The following ATP6V0A1 variants were observed in gnomAD, a reference collection of about 807,000 sequenced individuals.
ATP6V0A1 encodes ATPase H+ transporting V0 subunit a1, also known as V-type proton ATPase 116 kDa subunit a 1.
ATP6V0A1 carries 43 observed loss-of-function variants against 105.4 expected under a neutral mutation model. The observed-to-expected ratio is 0.41, with a 90% CI of 0.32 to 0.53. The LOEUF is 0.53. ATP6V0A1 is among the 20% of genes least tolerant of loss of function. The pLI is 0.30. For synonymous variants in ATP6V0A1, 362 were observed against 372.8 expected (o/e 0.97, Z 0.33); for missense variants, 676 against 1,051.1 (o/e 0.64, Z 4.93).
At chr17:42,470,786 C>T (rs1391670582) in intron 5 of ATP6V0A1, 1 of 153,952 alleles carries the variant, frequency 6.5e-6, no homozygotes, top group East Asian at 1.9e-4. Context: ...AACTTAGACG[C>T]ATTACCTCAG....
intron 6 of ATP6V0A1, among the ~76,000 whole-genome samples, chr17:42,478,217 G>A (rs957093076): frequency 7.9e-6 from 1 of 127,364 alleles, no homozygotes; most frequent in Non-Finnish European, 1.6e-5. Context: ...GTTGTGGGGT[G>A]GGGGGAGGGG....
At chr17:42,460,657 CTG>C (rs1305026664) in intron 1 of ATP6V0A1, among the ~76,000 whole-genome samples, 189 bp from the exon 2 acceptor site, 1 of 152,204 alleles carries the variant, frequency 6.6e-6, no homozygotes, top group African/African-American at 2.4e-5. Flanking sequence ...ATCTGACACT[CTG>C]TGGGACAGAA....
chr17:42,514,243 T>C, intron 20 of ATP6V0A1, 46 bp from the exon 21 acceptor site: 1 of 1,539,946 alleles, frequency 6.5e-7, no homozygotes, highest in East Asian at 2.3e-5. Flanking sequence ...GGCCTACAGC[T>C]GCCTCTTGCC....
chr17:42,521,076 C>T lies in ATP6V0A1; in HGVS notation c.2470C>T (p.Pro824Ser), dbSNP rs2092822146. 1 of 1,610,768 alleles carries T rather than the reference C, an allele frequency of 6.2e-7. No homozygotes were observed. The highest frequency in any genetic ancestry group is 1.1e-5 in the South Asian group (1 of 90,596). Reference sequence around the variant, plus strand: ...CAGCGGGACCGGTTTCAAGTTCTTACCCTTCTCCTTCGAGCATATTCGGGA... The same window carrying T: ...CAGCGGGACCGGTTTCAAGTTCTTATCCTTCTCCTTCGAGCATATTCGGGA... The part of the protein sequence containing the change: ...FYSGTGFKFL[P>S]FSFEHIREGK... The change falls in exon 22 of 22, where the codon CCC becomes TCC. Residue 824 changes from proline to serine, a missense_variant. Physicochemically the swap from Pro to Ser is moderately conservative, Grantham distance 74. Transcript: ENST00000343619. The surrounding 1 kb of genome is among the most constrained non-coding windows in gnomAD (Gnocchi z 4.8).
At chr17:42,501,404 A>ATTCTTT (rs951035928) in intron 17 of ATP6V0A1, 100 bp downstream of exon 17, 11 of 923,886 alleles carry the variant, frequency 1.2e-5, no homozygotes, top group East Asian at 5.1e-5. Flanking sequence ...AAATCTATAT[A>ATTCTTT]TTCTTTTTCT....
At chr17:42,507,299 C>A in intron 17 of ATP6V0A1, 1 of 469,152 alleles carries the variant, frequency 2.1e-6, no homozygotes, top group Non-Finnish European at 3.9e-6. Flanking sequence ...TCCTCTGAAG[C>A]AGGGTAAGGT....
chr17:42,478,372 T>C (rs2089032178), intron 6 of ATP6V0A1, 91 bp from the exon 7 acceptor site: 4 of 889,064 alleles, frequency 4.5e-6, no homozygotes, highest in South Asian at 4.5e-5. Flanking sequence ...AAAAAAGATA[T>C]ATATATAAAT....
At position 42,500,812 on chromosome 17, in the gene ATP6V0A1, G is replaced by A. The variant is rs1343988032; in HGVS notation, c.1785G>A (p.Thr595=). ...TTATCCTTATTTTTTACAAGTGGAC[G>A]GCCTATGATGCTCATACCTCTGAGA... is the stretch of plus-strand genomic sequence containing the variant. ...YLVILIFYKW[T]AYDAHTSENA... Residue 595 remains threonine (T), a synonymous_variant, in exon 16 of 22, where the codon ACG becomes ACA. Coordinates refer to ENST00000343619, the MANE Select transcript of ATP6V0A1 (RefSeq NM_001130021.3). 4 of 1,613,730 alleles carry A rather than the reference G, an allele frequency of 2.5e-6. No homozygotes were observed. Among genetic ancestry groups the A allele is most frequent in the South Asian group, 1.1e-5 (1 of 91,064 alleles).
At chr17:42,497,763 C>T (rs1001581431) in intron 14 of ATP6V0A1, among the ~76,000 whole-genome samples, 11 of 151,626 alleles carry the variant, frequency 7.3e-5, no homozygotes, top group South Asian at 4.2e-4. Context: ...CCTGGCCGGG[C>T]GCGGTGGCTC....
intron 2 of ATP6V0A1, among the ~76,000 whole-genome samples, chr17:42,465,844 T>G (rs2086987103): frequency 6.6e-6 from 1 of 151,720 alleles, no homozygotes; most frequent in African/African-American, 2.4e-5. Context: ...TGCGCACCTG[T>G]AATCCCAGCT....
intron 9 of ATP6V0A1, 103 bp from the exon 10 acceptor site, chr17:42,487,052 C>G: frequency 8.8e-7 from 1 of 1,139,494 alleles, no homozygotes. Context: ...AAGACAATTC[C>G]CTGGCAACTC....
chr17:42,460,866 T>C lies in ATP6V0A1; in HGVS notation c.-29T>C. On this transcript the variant is annotated 5_prime_UTR_variant, in exon 2 of 22. Transcript: ENST00000343619. ...GCTTCAGGTTGGAGAGAAATCCAGG[T>C]ACTCACTAGACTGGTACCTTCTGCC... 6.4e-7 allele frequency: 1 copy of C among 1,550,802 alleles called. No individual in the cohort carries two copies. Among genetic ancestry groups the C allele is most frequent in the Non-Finnish European group, 8.9e-7 (1 of 1,122,820 alleles).
chr17:42,507,582 T>G lies in ATP6V0A1; in HGVS notation c.2067T>G (p.Ile689Met). ...GACCGACAGAGGAGGATGCTGAGAT[T>G]ATTCAGCATGACCAGCTCTCCACCC... ...GNGPTEEDAE[I>M]IQHDQLSTHS... Residue 689 changes from isoleucine to methionine, a missense_variant, in exon 18 of 22, where the codon ATT (isoleucine) becomes ATG (methionine). Ile to Met is a conservative substitution (Grantham distance 10, BLOSUM62 1). Transcript: ENST00000343619. The G allele has an allele frequency of 6.2e-7, 1 of 1,614,018 alleles. No individual in the cohort carries two copies. The highest frequency in any genetic ancestry group is 8.5e-7 in the Non-Finnish European group (1 of 1,179,994).
rs141985511 is a variant in ATP6V0A1 at position 42,478,563 on chromosome 17, G to A, written c.607G>A (p.Glu203Lys). The A allele has an allele frequency of 4.4e-6, 7 of 1,600,340 alleles. No homozygotes were observed. The highest frequency in any genetic ancestry group is 1.1e-5 in the South Asian group (1 of 89,940). ...GNVFLRQAEI[E>K]NPLEDPVTGD... Reference sequence around the variant, plus strand: ...TGTGTTCCTGCGACAGGCTGAAATCGAGAACCCCCTGGAGGATCCTGTGAC... The same window carrying A: ...TGTGTTCCTGCGACAGGCTGAAATCAAGAACCCCCTGGAGGATCCTGTGAC... Residue 203 changes from glutamate (E) to lysine (K), a missense_variant, in exon 7 of 22, where the codon GAG becomes AAG. Glu to Lys is a moderately conservative substitution (Grantham distance 56). Transcript: ENST00000343619.
In ATP6V0A1 at chr17:42,487,149, C is replaced by T; in HGVS notation, c.811-6C>T. ...GATCCCTCGCTTGTTCCTTTTCTCCCCAAAGGTTCTGAATCAAACGGAGGA... is the reference window on the plus strand; with the variant it reads ...GATCCCTCGCTTGTTCCTTTTCTCCTCAAAGGTTCTGAATCAAACGGAGGA... On this transcript the variant is annotated splice_polypyrimidine_tract_variant and splice_region_variant and intron_variant, in intron 9 of 21. Coordinates refer to ENST00000343619, the MANE Select transcript of ATP6V0A1 (RefSeq NM_001130021.3). 1 of 1,614,026 alleles carries T rather than the reference C, an allele frequency of 6.2e-7. No homozygotes were observed.
At chr17:42,505,431 C>T (rs1422415611) in intron 17 of ATP6V0A1, among the ~76,000 whole-genome samples, 1 of 151,286 alleles carries the variant, frequency 6.6e-6, no homozygotes. Flanking sequence ...GTCTTGAACT[C>T]CTGACCTCGT....
At chr17:42,514,058 T>C in intron 20 of ATP6V0A1, 80 bp downstream of exon 20, 1 of 1,462,620 alleles carries the variant, frequency 6.8e-7, no homozygotes, top group South Asian at 1.2e-5. Flanking sequence ...TTAAGTCAAA[T>C]GGAAATTACA....
At position 42,507,437 on chromosome 17, in the gene ATP6V0A1, G is replaced by T. The variant is rs532031667; in HGVS notation, c.2005-83G>T. The T allele has an allele frequency of 3.7e-5, 35 of 947,322 alleles. 1 individual carries two copies. The South Asian group carries it at 4.9e-4, about 13-fold the overall frequency. 58.7% of individuals were successfully genotyped at this position (947,322 alleles called of 1,614,324 possible). ...AGACATATGCTTTTCTGAGGTTTGT[G>T]TTACTAACCATCGCCCTTCCCACCT... is the stretch of plus-strand genomic sequence containing the variant. On this transcript the variant is annotated intron_variant, in intron 17 of 21. Transcript: ENST00000343619.
At chr17:42,497,943 A>C (rs1169326097) in intron 14 of ATP6V0A1, among the ~76,000 whole-genome samples, 5 of 131,220 alleles carry the variant, frequency 3.8e-5, no homozygotes, top group Non-Finnish European at 6.4e-5. Flanking sequence ...AAAAAAAAAG[A>C]AAAAAAAAAA....
Sources: gnomAD v4.1 joint callset for allele counts (sites outside exome capture counted in the v4.1 genomes callset) on GRCh38, gnomAD v4.1.1 for gene constraint, Gnocchi (gnomAD v3.1) non-coding constraint, MANE v1.5 for transcripts, NCBI Gene and HGNC (gene_info 2026-07-23, HGNC 2026-07-21) for gene names.